The following CACNG2 variants were observed in gnomAD, a reference collection of about 807,000 sequenced individuals.
The protein encoded by CACNG2 is voltage-dependent calcium channel gamma-2 subunit.
In CACNG2, 3 loss-of-function variants were observed where a neutral mutation model predicts 25.9. The ratio of observed to expected loss-of-function variants is 0.12; its 90% CI spans 0.05 to 0.30. CACNG2 has a LOEUF of 0.30. Ranked by LOEUF, CACNG2 falls within the 10% of genes least tolerant of loss-of-function variation. CACNG2 has a pLI of 1.00. For missense variants in CACNG2, 341 were observed against 432.5 expected, an observed-to-expected ratio of 0.79 and a Z score of 1.88; for synonymous variants, 167 against 173.3, an observed-to-expected ratio of 0.96 and a Z score of 0.29.
At chr22:36,675,105 C>T (rs1037096410) in intron 1 of CACNG2, among the ~76,000 whole-genome samples, 4 of 152,312 alleles carry the variant, frequency 2.6e-5, no homozygotes, top group South Asian at 2.1e-4. Flanking sequence ...GTTGTGATCA[C>T]GGCTCACTGC....
At chr22:36,643,990 A>T (rs1392935798) in intron 1 of CACNG2, among the ~76,000 whole-genome samples, 1 of 152,172 alleles carries the variant, frequency 6.6e-6, no homozygotes, top group Admixed American at 6.5e-5. Flanking sequence ...TGTTCTAACC[A>T]TGAACTTCAC....
chr22:36,631,739 T>TTTTA lies in CACNG2; in HGVS notation c.212-44192_212-44191insTAAA, dbSNP rs200643434. 5.9e-3 allele frequency among the ~76,000 whole-genome samples: 690 copies of TTTTA among 117,636 alleles called. 4 individuals carry two copies. Among genetic ancestry groups the TTTTA allele is most frequent in the South Asian group, 0.018 (67 of 3,664 alleles). 77.2% of individuals were successfully genotyped at this position (117,636 alleles called of 152,430 possible). On this transcript the variant is annotated intron_variant, in intron 1 of 3. Transcript: ENST00000300105. ...ACTGCCCGGTTATGTGAGCAACTCTTTTTTTTTTTTTTTTTACTGTGAAGC... is the reference window on the plus strand; with the variant it reads ...ACTGCCCGGTTATGTGAGCAACTCTTTTTATTTTTTTTTTTTTTTACTGTGAAGC...
chr22:36,628,933 G>A (rs1195307585), intron 1 of CACNG2, among the ~76,000 whole-genome samples: 1 of 152,028 alleles, frequency 6.6e-6, no homozygotes, highest in Non-Finnish European at 1.5e-5. Flanking sequence ...CTTCTTTCTA[G>A]GCACTAGATT....
At chr22:36,684,798 G>A (rs1287295948) in intron 1 of CACNG2, among the ~76,000 whole-genome samples, 1 of 152,124 alleles carries the variant, frequency 6.6e-6, no homozygotes, top group Non-Finnish European at 1.5e-5. Flanking sequence ...GTGTGTGCAT[G>A]TGGTGGACAG....
chr22:36,564,187 T>G lies in CACNG2; in HGVS notation c.*164A>C. On this transcript the variant is annotated 3_prime_UTR_variant, in exon 4 of 4. Transcript: ENST00000300105. This position sits in a 1 kb window ranked among gnomAD's most constrained non-coding sequence, Gnocchi z 6.7. Reference sequence around the variant, plus strand: ...AATTTACTTGTTATGTTTTTTCTCTTTTTTTGTGTGTGTGTGTTTTTTTGT... The same window carrying G: ...AATTTACTTGTTATGTTTTTTCTCTGTTTTTGTGTGTGTGTGTTTTTTTGT... The G allele has an allele frequency of 3.6e-6, 2 of 561,576 alleles. No homozygotes were observed. The highest frequency in any genetic ancestry group is 6.0e-6 in the Non-Finnish European group (2 of 333,284). 34.8% of individuals were successfully genotyped at this position (561,576 alleles called of 1,614,324 possible).
chr22:36,695,035 G>A (rs1201091922), intron 1 of CACNG2, among the ~76,000 whole-genome samples: 1 of 152,086 alleles, frequency 6.6e-6, no homozygotes, highest in Admixed American at 6.5e-5. Flanking sequence ...GGCAAACATA[G>A]TGACACCTCA....
chr22:36,676,721 G>T (rs923021243), intron 1 of CACNG2, among the ~76,000 whole-genome samples: 15 of 152,176 alleles, frequency 9.9e-5, no homozygotes, highest in African/African-American at 2.9e-4. Context: ...GAGGTTAAGG[G>T]CCTTGACCAA....
intron 1 of CACNG2, among the ~76,000 whole-genome samples, chr22:36,678,770 T>G (rs1239114058): frequency 6.6e-6 from 1 of 151,746 alleles, no homozygotes; most frequent in African/African-American, 2.4e-5. Flanking sequence ...CACCACCCCC[T>G]TCTCTAAAAA....
At chr22:36,573,599 C>T (rs921064482) in intron 2 of CACNG2, among the ~76,000 whole-genome samples, 4 of 152,078 alleles carry the variant, frequency 2.6e-5, no homozygotes, top group African/African-American at 2.4e-5. Flanking sequence ...CCCAAAGTGC[C>T]GGGAGTGCAG....
chr22:36,671,342 G>C (rs1378085672), intron 1 of CACNG2, among the ~76,000 whole-genome samples: 1 of 152,186 alleles, frequency 6.6e-6, no homozygotes, highest in Non-Finnish European at 1.5e-5. Flanking sequence ...CTTGAAGCAG[G>C]CTGAAAAATA....
At position 36,596,737 on chromosome 22, in the gene CACNG2, G is replaced by C. The variant is rs541010050; in HGVS notation, c.212-9189C>G. ...CAACTTTCAGTTGCATCCTGTCCTG[G>C]CTCTTGTCTCCATAGCTACCTCTTC... On this transcript the variant is annotated intron_variant, in intron 1 of 3. Transcript: ENST00000300105. Among the ~76,000 whole-genome samples, 3 of 152,176 alleles carry C rather than the reference G, an allele frequency of 2.0e-5. No individual in the cohort carries two copies. The South Asian group carries it at 6.2e-4, about 32-fold the overall frequency.
chr22:36,611,749 G>A (rs1249302308), intron 1 of CACNG2, among the ~76,000 whole-genome samples: 5 of 152,158 alleles, frequency 3.3e-5, no homozygotes, highest in Admixed American at 3.3e-4. Flanking sequence ...ACTGTGGCCG[G>A]CGTCTGTTCT....
intron 1 of CACNG2, among the ~76,000 whole-genome samples, chr22:36,656,556 C>T (rs1457822509): frequency 6.6e-6 from 1 of 152,170 alleles, no homozygotes; most frequent in Non-Finnish European, 1.5e-5. Flanking sequence ...CACCCCAGCC[C>T]CTACATTGTG....
At chr22:36,679,193 C>CTTTCTTTCTTTCTTTCTTTCTTTCTTT (rs1569049850) in intron 1 of CACNG2, among the ~76,000 whole-genome samples, 7 of 49,264 alleles carry the variant, frequency 1.4e-4, no homozygotes, top group African/African-American at 5.9e-4. Context: ...TTCCTTCCTT[C>CTTTCTTTCTTTCTTTCTTTCTTTCTTT]CTTCCTTTCT....
intron 1 of CACNG2, among the ~76,000 whole-genome samples, chr22:36,601,489 T>G (rs1279402345): frequency 1.3e-5 from 2 of 151,942 alleles, no homozygotes; most frequent in Non-Finnish European, 2.9e-5. Context: ...TGTAGATACC[T>G]TTTTTATTTT....
chr22:36,676,689 G>A (rs1450419232), intron 1 of CACNG2, among the ~76,000 whole-genome samples: 3 of 152,146 alleles, frequency 2.0e-5, no homozygotes, highest in Admixed American at 6.6e-5. Flanking sequence ...TTTCCTCTTC[G>A]TCTGTTTTAC....
At chr22:36,694,953 C>G (rs144386385) in intron 1 of CACNG2, among the ~76,000 whole-genome samples, 59 of 152,296 alleles carry the variant, frequency 3.9e-4, no homozygotes, top group African/African-American at 1.4e-3. Context: ...CAGAGGCTCA[C>G]TCCTGTACTC....
intron 1 of CACNG2, among the ~76,000 whole-genome samples, chr22:36,596,311 G>T (rs1407237655): frequency 6.6e-6 from 1 of 152,202 alleles, no homozygotes; most frequent in Admixed American, 6.5e-5. Context: ...CAGGGAGGGT[G>T]GGCCATGCCT....
intron 1 of CACNG2, among the ~76,000 whole-genome samples, chr22:36,629,664 G>A (rs1360556726): frequency 6.6e-6 from 1 of 151,972 alleles, no homozygotes. Context: ...CAGACAAGTA[G>A]AACAGTCATT....
Sources: allele counts gnomAD v4.1 joint callset (sites outside exome capture counted in the v4.1 genomes callset), GRCh38; gene constraint gnomAD v4.1.1; non-coding constraint Gnocchi (gnomAD v3.1); transcripts MANE v1.5; gene names NCBI Gene and HGNC (gene_info 2026-07-23, HGNC 2026-07-21).